NWD1: variants seen among roughly 807,000 people sequenced by gnomAD.
NWD1 encodes NACHT and WD repeat domain containing 1.
In NWD1, 129 loss-of-function variants were observed where a neutral mutation model predicts 135.1. That is an observed-to-expected ratio of 0.96 (90% CI 0.83 to 1.11). The LOEUF (loss-of-function observed/expected upper bound fraction) is 1.11. Among genes scored for constraint, NWD1 ranks in the 50% least tolerant of loss-of-function variants. The pLI, the probability that NWD1 is intolerant of heterozygous loss-of-function variation, is 0.00. For synonymous variants in NWD1, 773 were observed against 786.0 expected (o/e 0.98, Z 0.28); for missense variants, 1,740 against 1,851.3 (o/e 0.94, Z 1.10).
chr19:16,726,747 G>C (rs1306922694), intron 2 of NWD1, among the ~76,000 whole-genome samples: 2 of 152,158 alleles, frequency 1.3e-5, no homozygotes, highest in African/African-American at 4.8e-5. Flanking sequence ...CCTAAAACTG[G>C]TTTCTCAGTT....
At chr19:16,814,948 T>C (rs1206527490) in intron 18 of NWD1, 80 bp from the exon 19 acceptor site, 1 of 1,300,508 alleles carries the variant, frequency 7.7e-7, no homozygotes, top group Non-Finnish European at 1.1e-6. Context: ...TTTTATTCCA[T>C]GCAGCCAACT....
At chr19:16,743,672 ATTAG>A (rs1466204954) in intron 4 of NWD1, among the ~76,000 whole-genome samples, 5 of 142,372 alleles carry the variant, frequency 3.5e-5, no homozygotes, top group Non-Finnish European at 3.0e-5. Context: ...TTATTTATTT[ATTAG>A]TTTGTTTATT....
Position 16,750,175 on chromosome 19 carries a change from AAGG to A in NWD1, c.1538_1540del (p.Arg513del). On this transcript the variant is annotated inframe_deletion, in exon 6 of 19. Coordinates refer to ENST00000524140, the MANE Select transcript of NWD1 (RefSeq NM_001007525.5). ...TGATCCAACTCCTGCTGGCAGCTGC[AAGG>A]AGGACGCTGAGCCCGGTGCACACAG... is the stretch of plus-strand genomic sequence containing the variant. 6.2e-7 allele frequency: 1 copy of A among 1,613,614 alleles called. No homozygotes were observed. Among genetic ancestry groups the A allele is most frequent in the Non-Finnish European group, 8.5e-7 (1 of 1,179,852 alleles).
In NWD1 at chr19:16,800,071, C is replaced by G; in HGVS notation, c.3645C>G (p.Thr1215=). ...SRVPAPFLDR[T]GLTAVSHNGS... ...TGCCTGCACCATTTCTGGACCGCAC[C>G]GGCCTCACCGCAGTGTCCCACAATG... is the stretch of plus-strand genomic sequence containing the variant. Residue 1215 remains threonine, a synonymous_variant, in exon 17 of 19, where the codon ACC becomes ACG. Coordinates refer to ENST00000524140, the MANE Select transcript of NWD1 (RefSeq NM_001007525.5). 6.2e-7 allele frequency: 1 copy of G among 1,614,110 alleles called. No individual in the cohort carries two copies. The highest frequency in any genetic ancestry group is 8.5e-7 in the Non-Finnish European group (1 of 1,179,938).
chr19:16,759,517 T>A, intron 7 of NWD1, 89 bp downstream of exon 7: 1 of 897,788 alleles, frequency 1.1e-6, no homozygotes, highest in Non-Finnish European at 1.7e-6. Context: ...CAGTATCAGA[T>A]CCTTCACTTA....
At chr19:16,793,737 C>A (rs565185514) in intron 14 of NWD1, among the ~76,000 whole-genome samples, 9 of 151,570 alleles carry the variant, frequency 5.9e-5, no homozygotes, top group African/African-American at 2.2e-4. Context: ...CCACCACGCC[C>A]GGCTAATTTT....
Position 16,749,913 on chromosome 19 carries a change from T to C in NWD1, c.1271T>C (p.Val424Ala), listed in dbSNP as rs1471323531. The C allele has an allele frequency of 6.2e-7, 1 of 1,613,572 alleles. No homozygotes were observed. The highest frequency in any genetic ancestry group is 1.7e-5 in the Admixed American group (1 of 60,014). Residue 424 changes from valine to alanine, a missense_variant, in exon 6 of 19, where the codon GTC becomes GCC. Coordinates refer to ENST00000524140, the MANE Select transcript of NWD1 (RefSeq NM_001007525.5). ...TTTTTCCATACCCTCCTCCACACTG[T>C]CTCTTGCAGAAACTTCGAGTCTCTC... Reference protein sequence around the residue: ...VQFFHTLLHTVSCRNFESLVL... With the variant: ...VQFFHTLLHTASCRNFESLVL...
At chr19:16,791,289 C>G in intron 13 of NWD1, 61 bp from the exon 14 acceptor site, 1 of 1,495,366 alleles carries the variant, frequency 6.7e-7, no homozygotes, top group Non-Finnish European at 9.2e-7. Context: ...CATTTGACTC[C>G]GGGAAACTTG....
chr19:16,767,624 CA>C (rs753673424), intron 10 of NWD1, among the ~76,000 whole-genome samples: 1 of 151,976 alleles, frequency 6.6e-6, no homozygotes, highest in South Asian at 2.1e-4. Flanking sequence ...CAATAAAACC[CA>C]AAAAACCATC....
intron 6 of NWD1, among the ~76,000 whole-genome samples, chr19:16,754,759 C>T (rs971750956): frequency 1.3e-5 from 2 of 150,344 alleles, no homozygotes; most frequent in African/African-American, 4.9e-5. Flanking sequence ...TCTCTATAGC[C>T]ATCCATCCAT....
chr19:16,780,440 G>A (rs569999112), intron 12 of NWD1, among the ~76,000 whole-genome samples: 5 of 152,144 alleles, frequency 3.3e-5, no homozygotes, highest in Non-Finnish European at 7.3e-5. Context: ...ACAGGCGTGA[G>A]CCACCGTGCC....
Position 16,791,620 on chromosome 19 carries a change from T to C in NWD1, c.3211T>C (p.Leu1071=). 6.2e-7 allele frequency: 1 copy of C among 1,613,968 alleles called. No homozygotes were observed. The highest frequency in any genetic ancestry group is 8.5e-7 in the Non-Finnish European group (1 of 1,179,932). The stretch of plus-strand genomic sequence containing the variant: ...CGGGTTTAGCAATGGCTCCATCTCT[T>C]TGGTAAGCACCTTTACTGACTATGA... The part of the protein sequence containing the change: ...VTGFSNGSIS[L]VSSKGDRLLE... Residue 1071 remains leucine, a splice_region_variant and synonymous_variant, in exon 14 of 19, where the codon TTG becomes CTG. Coordinates refer to ENST00000524140, the MANE Select transcript of NWD1 (RefSeq NM_001007525.5).
intron 8 of NWD1, among the ~76,000 whole-genome samples, chr19:16,762,661 T>C (rs1969068248): frequency 6.6e-6 from 1 of 152,216 alleles, no homozygotes; most frequent in Non-Finnish European, 1.5e-5. Context: ...ATTACACTTT[T>C]AATTCTTTGG....
intron 12 of NWD1, among the ~76,000 whole-genome samples, chr19:16,786,254 C>G (rs1040069719): frequency 2.6e-5 from 4 of 152,006 alleles, no homozygotes; most frequent in African/African-American, 9.7e-5. Context: ...GTGACCCTCC[C>G]ACTTCGGCCC....
At chr19:16,813,504 T>C (rs571163425) in intron 18 of NWD1, among the ~76,000 whole-genome samples, 1 of 151,926 alleles carries the variant, frequency 6.6e-6, no homozygotes, top group South Asian at 2.1e-4. Context: ...TGAGATGGAG[T>C]CTAGCTCTGT....
At chr19:16,767,100 C>CA (rs1475267513) in intron 10 of NWD1, among the ~76,000 whole-genome samples, 1 of 149,944 alleles carries the variant, frequency 6.7e-6, no homozygotes, top group Non-Finnish European at 1.5e-5. Flanking sequence ...TTAATTGACT[C>CA]ATAGTTCTGC....
chr19:16,768,292 G>A (rs542775710), intron 10 of NWD1, among the ~76,000 whole-genome samples: 4 of 139,120 alleles, frequency 2.9e-5, no homozygotes, highest in Non-Finnish European at 4.4e-5. Context: ...TACCATGCCT[G>A]GCTAAGAATT....
intron 6 of NWD1, among the ~76,000 whole-genome samples, chr19:16,755,701 T>A (rs1321465709): frequency 6.6e-6 from 1 of 150,544 alleles, no homozygotes; most frequent in Admixed American, 6.6e-5. Flanking sequence ...TTTATTTATT[T>A]ATTTATTTAT....
chr19:16,744,733 A>T lies in NWD1; in HGVS notation c.496+15A>T. On this transcript the variant is annotated intron_variant, in intron 5 of 18. Coordinates refer to ENST00000524140, the MANE Select transcript of NWD1 (RefSeq NM_001007525.5). ...CCACCGGTCAGGTGAGGCCGCAGGG[A>T]CTCCCCTCTGGAGACCCACAAGAAA... The T allele has an allele frequency of 6.5e-7, 1 of 1,531,360 alleles. No individual in the cohort carries two copies. The allele number at this position is 1,531,360 out of a possible 1,614,324, so 94.9% of individuals were successfully genotyped here. A position where few individuals can be genotyped will look rare whatever the true frequency, so the allele number is the denominator to read the frequency against.
Sources: allele counts gnomAD v4.1 joint callset (sites outside exome capture counted in the v4.1 genomes callset), GRCh38; gene constraint gnomAD v4.1.1; transcripts MANE v1.5; gene names NCBI Gene and HGNC (gene_info 2026-07-23, HGNC 2026-07-21).